SPIDR: variants seen among roughly 807,000 people sequenced by gnomAD.
The protein encoded by SPIDR is scaffold protein involved in DNA repair, also known as DNA repair-scaffolding protein.
Under a neutral mutation model 104.6 loss-of-function variants are expected in SPIDR, and 93 were observed. The observed-to-expected ratio is 0.89, with a 90% CI of 0.75 to 1.06. SPIDR has a LOEUF of 1.06. Ranked by LOEUF, SPIDR falls within the 50% of genes least tolerant of loss-of-function variation. The probability of loss-of-function intolerance (pLI) is 0.00; values close to 1 mark genes in which losing one functional copy is unlikely to be tolerated. For synonymous variants in SPIDR, 431 were observed against 416.9 expected (o/e 1.03, Z -0.41); for missense variants, 1,154 against 1,111.2 (o/e 1.04, Z -0.55).
chr8:47,681,669 A>C (rs944430325), intron 11 of SPIDR, among the ~76,000 whole-genome samples: 1 of 152,220 alleles, frequency 6.6e-6, no homozygotes, highest in Non-Finnish European at 1.5e-5. Flanking sequence ...TAAGGCTTCA[A>C]CTGTTTCTTC....
intron 14 of SPIDR, among the ~76,000 whole-genome samples, chr8:47,711,602 CCT>C (rs1259496082): frequency 6.6e-6 from 1 of 152,018 alleles, no homozygotes; most frequent in East Asian, 1.9e-4. Context: ...GCCTCTCTGC[CCT>C]CTCAGTGGAC....
At position 47,294,211 on chromosome 8, in the gene SPIDR, C is replaced by T. The variant is rs913842699; in HGVS notation, c.525+181C>T. The stretch of plus-strand genomic sequence containing the variant: ...AATAACATGCTTGTGCTGTACTTCT[C>T]AACATGGATAAATATTGATCTCACT... On this transcript the variant is annotated intron_variant, in intron 5 of 19. Transcript: ENST00000297423. 1.9e-4 allele frequency: 132 copies of T among 680,676 alleles called. 1 individual carries two copies. The East Asian group carries it at 3.2e-3, about 17-fold the overall frequency. The allele number at this position is 680,676 out of a possible 1,614,324, so 42.2% of individuals were successfully genotyped here. A position where few individuals can be genotyped will look rare whatever the true frequency, so the allele number is the denominator to read the frequency against.
chr8:47,460,904 C>A (rs1554713080), intron 8 of SPIDR, among the ~76,000 whole-genome samples: 2 of 152,170 alleles, frequency 1.3e-5, no homozygotes, highest in Non-Finnish European at 2.9e-5. Flanking sequence ...CTGTATCTTT[C>A]CTTCATTTAT....
intron 10 of SPIDR, chr8:47,661,094 T>C (rs768529295): frequency 4.0e-5 from 12 of 303,428 alleles, no homozygotes; most frequent in Non-Finnish European, 5.8e-5. Flanking sequence ...GTGGGGGTTA[T>C]TGGGGTGTGT....
At chr8:47,632,976 G>A (rs2067300643) in intron 10 of SPIDR, among the ~76,000 whole-genome samples, 1 of 152,106 alleles carries the variant, frequency 6.6e-6, no homozygotes, top group Non-Finnish European at 1.5e-5. Context: ...AGCCAACAAG[G>A]GCATAAGGCA....
intron 10 of SPIDR, among the ~76,000 whole-genome samples, chr8:47,671,585 A>AAAATAAATAAATAAATAAATAAATAAAT (rs60133278): frequency 1.5e-4 from 22 of 142,784 alleles, no homozygotes; most frequent in African/African-American, 3.7e-4. Context: ...ACTCCATCTC[A>AAAATAAATAAATAAATAAATAAATAAAT]AAATAAATAA....
chr8:47,732,577 T>C (rs1484967297), intron 19 of SPIDR: 1 of 204,444 alleles, frequency 4.9e-6, no homozygotes, highest in Non-Finnish European at 1.0e-5. Flanking sequence ...CCAGCTCTAT[T>C]CACAGTGGCT....
At chr8:47,517,758 C>T (rs531264996) in intron 8 of SPIDR, among the ~76,000 whole-genome samples, 22 of 152,198 alleles carry the variant, frequency 1.4e-4, no homozygotes, top group South Asian at 4.1e-4. Context: ...TGCTAATTTT[C>T]GTGGTTTCAT....
chr8:47,725,766 A>G (rs1447051133), intron 16 of SPIDR, among the ~76,000 whole-genome samples: 5 of 152,226 alleles, frequency 3.3e-5, no homozygotes, highest in African/African-American at 1.2e-4. Flanking sequence ...GATTTCCACA[A>G]TGGCTTATGG....
chr8:47,342,064 T>A (rs2050859027), intron 5 of SPIDR, among the ~76,000 whole-genome samples: 1 of 152,220 alleles, frequency 6.6e-6, no homozygotes, highest in Non-Finnish European at 1.5e-5. Flanking sequence ...AAATTGTGTA[T>A]TTAAGGAAAC....
intron 3 of SPIDR, among the ~76,000 whole-genome samples, chr8:47,289,913 G>A (rs1379707515): frequency 1.3e-5 from 2 of 152,090 alleles, no homozygotes; most frequent in African/African-American, 4.8e-5. Context: ...GTACCATGGT[G>A]TACTATTCAG....
chr8:47,735,077 A>C (rs554663044), intron 19 of SPIDR, among the ~76,000 whole-genome samples: 1 of 150,982 alleles, frequency 6.6e-6, no homozygotes, highest in African/African-American at 2.4e-5. Context: ...TTCACTTGCT[A>C]AAATAAATGG....
chr8:47,474,832 A>G (rs1302852153), intron 8 of SPIDR, among the ~76,000 whole-genome samples: 1 of 152,240 alleles, frequency 6.6e-6, no homozygotes, highest in African/African-American at 2.4e-5. Context: ...TTCATGTTGC[A>G]GAGAAGAGTA....
chr8:47,692,394 T>A (rs1039662103), intron 11 of SPIDR, among the ~76,000 whole-genome samples: 1 of 152,064 alleles, frequency 6.6e-6, no homozygotes, highest in African/African-American at 2.4e-5. Flanking sequence ...ACGTTTCCTG[T>A]CAGTGGAACC....
chr8:47,620,839 A>G (rs1218493943), intron 10 of SPIDR, among the ~76,000 whole-genome samples: 2 of 150,038 alleles, frequency 1.3e-5, no homozygotes, highest in Non-Finnish European at 3.0e-5. Flanking sequence ...GATGGTCTCA[A>G]TCTCCTGACC....
At chr8:47,554,818 T>C (rs2091112643) in intron 8 of SPIDR, among the ~76,000 whole-genome samples, 1 of 152,212 alleles carries the variant, frequency 6.6e-6, no homozygotes, top group Non-Finnish European at 1.5e-5. Context: ...TCACCTGTCT[T>C]CTGCGTCATT....
At chr8:47,380,456 C>G (rs2059192929) in intron 5 of SPIDR, among the ~76,000 whole-genome samples, 1 of 152,070 alleles carries the variant, frequency 6.6e-6, no homozygotes, top group South Asian at 2.1e-4. Flanking sequence ...CTGTGGAGCC[C>G]CCTGGCCCTG....
intron 8 of SPIDR, among the ~76,000 whole-genome samples, chr8:47,571,911 A>G (rs1289913598): frequency 6.6e-6 from 1 of 152,202 alleles, no homozygotes; most frequent in Non-Finnish European, 1.5e-5. Flanking sequence ...TGAAACCACA[A>G]AAAACAAAAC....
At chr8:47,559,612 T>C (rs2056820956) in intron 8 of SPIDR, among the ~76,000 whole-genome samples, 1 of 152,154 alleles carries the variant, frequency 6.6e-6, no homozygotes, top group African/African-American at 2.4e-5. Flanking sequence ...AATGCAAGTG[T>C]TGTTGAGAAG....
Sources: gnomAD v4.1 joint callset for allele counts (sites outside exome capture counted in the v4.1 genomes callset) on GRCh38, gnomAD v4.1.1 for gene constraint, MANE v1.5 for transcripts, NCBI Gene and HGNC (gene_info 2026-07-23, HGNC 2026-07-21) for gene names.